Variants in VPS37C observed in about 807,000 individuals in gnomAD.
VPS37C encodes the protein vacuolar protein sorting-associated protein 37C.
In VPS37C, 9 loss-of-function variants were observed where a neutral mutation model predicts 16.1. The ratio of observed to expected loss-of-function variants is 0.56; its 90% CI spans 0.34 to 0.97. VPS37C has a LOEUF of 0.97. VPS37C is among the 50% of genes least tolerant of loss of function. The pLI is 0.02. For missense variants in VPS37C, 479 were observed against 472.7 expected (o/e 1.01, Z -0.12); for synonymous variants, 207 against 206.4 (o/e 1.00, Z -0.02).
At chr11:61,150,597 A>G (rs1853283400) in intron 1 of VPS37C, among the ~76,000 whole-genome samples, 1 of 147,510 alleles carries the variant, frequency 6.8e-6, no homozygotes, top group Admixed American at 6.8e-5. Flanking sequence ...TCCAAACCCT[A>G]CTGCACAGAA....
intron 2 of VPS37C, among the ~76,000 whole-genome samples, chr11:61,136,969 ATTGCAC>A (rs1161957137): frequency 3.3e-5 from 5 of 152,178 alleles, no homozygotes; most frequent in Admixed American, 3.3e-4. Context: ...TGATGGCGCC[ATTGCAC>A]TCCAGCCTGG....
intron 1 of VPS37C, among the ~76,000 whole-genome samples, chr11:61,155,876 A>G (rs1853368599): frequency 6.6e-6 from 1 of 152,252 alleles, no homozygotes; most frequent in South Asian, 2.1e-4. Flanking sequence ...TGACTATTTA[A>G]AGCAAAAATA....
At position 61,131,530 on chromosome 11, in the gene VPS37C, G is replaced by A. The variant is rs908810036; in HGVS notation, c.*290C>T. 22 of 358,278 alleles carry A rather than the reference G, an allele frequency of 6.1e-5. No individual in the cohort carries two copies. Among genetic ancestry groups the A allele is most frequent in the Non-Finnish European group, 9.4e-5 (19 of 201,996 alleles). 22.2% of individuals were successfully genotyped at this position (358,278 alleles called of 1,614,324 possible). ...TAGATGCTCATAAATGCGCACATGC[G>A]CTCACTCACACAGACACCGGCGAGA... On this transcript the variant is annotated 3_prime_UTR_variant, in exon 5 of 5. Transcript: ENST00000301765.
chr11:61,133,978 G>A (rs377243146), intron 3 of VPS37C, 58 bp downstream of exon 3: 49 of 1,557,502 alleles, frequency 3.1e-5, no homozygotes, highest in East Asian at 3.0e-4. Context: ...CTGGGAACAC[G>A]GTGGGCCTCC....
intron 2 of VPS37C, among the ~76,000 whole-genome samples, chr11:61,134,678 CA>C (rs1402487601): frequency 6.6e-6 from 1 of 152,188 alleles, no homozygotes; most frequent in Non-Finnish European, 1.5e-5. Flanking sequence ...AATGAGGCCC[CA>C]AATAAAGTTA....
Position 61,131,999 on chromosome 11 carries a change from G to A in VPS37C, c.889C>T (p.Pro297Ser), listed in dbSNP as rs774810003. 3 of 1,368,956 alleles carry A rather than the reference G, an allele frequency of 2.2e-6. No individual in the cohort carries two copies. The highest frequency in any genetic ancestry group is 2.8e-6 in the Non-Finnish European group (3 of 1,056,766). The allele number at this position is 1,368,956 out of a possible 1,614,324, so 84.8% of individuals were successfully genotyped here. A position where few individuals can be genotyped will look rare whatever the true frequency, so the allele number is the denominator to read the frequency against. The change falls in exon 5 of 5, where the codon CCT becomes TCT. Residue 297 changes from proline to serine, a missense_variant. Pro to Ser is a moderately conservative substitution (Grantham distance 74). Coordinates refer to ENST00000301765, the MANE Select transcript of VPS37C (RefSeq NM_017966.5). Reference sequence around the variant, plus strand: ...GTTGCGGGGTATGGGGACTGTTGAGGATAACCAGGACTGGGGGCCCTGCCT... The same window carrying A: ...GTTGCGGGGTATGGGGACTGTTGAGAATAACCAGGACTGGGGGCCCTGCCT... ...RGGRAPSPGY[P>S]QQSPYPATGG... is the part of the protein sequence containing the mutation.
intron 1 of VPS37C, chr11:61,145,274 C>G (rs1454348172): frequency 6.6e-6 from 1 of 152,230 alleles, no homozygotes; most frequent in Non-Finnish European, 1.5e-5. Flanking sequence ...CATCTTTGCC[C>G]CACCTGCTCG....
chr11:61,132,127 C>A lies in VPS37C; in HGVS notation c.761G>T (p.Gly254Val). 1.4e-6 allele frequency: 2 copies of A among 1,440,172 alleles called. No homozygotes were observed. Among genetic ancestry groups the A allele is most frequent in the Non-Finnish European group, 9.2e-7 (1 of 1,092,834 alleles). 89.2% of individuals were successfully genotyped at this position (1,440,172 alleles called of 1,614,324 possible). The change falls in exon 5 of 5, where the codon GGT (glycine) becomes GTT (valine). Residue 254 changes from glycine to valine, a missense_variant. Coordinates refer to ENST00000301765, the MANE Select transcript of VPS37C (RefSeq NM_017966.5). ...TGGGGACCAGGAGTAACCCGCAGCACCCCTGGGTCCAAGCTGGGCTGCCGG... is the reference window on the plus strand; with the variant it reads ...TGGGGACCAGGAGTAACCCGCAGCAACCCTGGGTCCAAGCTGGGCTGCCGG... Reference protein sequence around the residue: ...TYPAAQLGPRGAAGYSWSPQR... With the variant: ...TYPAAQLGPRVAAGYSWSPQR...
intron 1 of VPS37C, among the ~76,000 whole-genome samples, chr11:61,140,850 G>A (rs1261127074): frequency 6.6e-6 from 1 of 152,180 alleles, no homozygotes; most frequent in East Asian, 1.9e-4. Flanking sequence ...GCAAACAGCA[G>A]AGCCAAAATT....
intron 1 of VPS37C, among the ~76,000 whole-genome samples, chr11:61,146,600 C>G (rs1406528923): frequency 6.6e-6 from 1 of 152,068 alleles, no homozygotes; most frequent in Admixed American, 6.6e-5. Flanking sequence ...GGGAGGGCTG[C>G]GGGGCAGGCG....
chr11:61,137,550 A>AC, intron 2 of VPS37C, among the ~76,000 whole-genome samples: 2 of 152,192 alleles, frequency 1.3e-5, no homozygotes. Context: ...ACAGTGCTTA[A>AC]TATGTGACAA....
chr11:61,145,750 AC>A (rs1476208215), intron 1 of VPS37C, among the ~76,000 whole-genome samples: 3 of 152,202 alleles, frequency 2.0e-5, no homozygotes, highest in African/African-American at 7.2e-5. Flanking sequence ...TCTCAGAGTG[AC>A]CCCAGCCACC....
chr11:61,155,255 C>T (rs575531145), intron 1 of VPS37C, among the ~76,000 whole-genome samples: 3 of 151,962 alleles, frequency 2.0e-5, no homozygotes, highest in Non-Finnish European at 2.9e-5. Context: ...AAGCTGATGC[C>T]GTAGGATCAC....
intron 1 of VPS37C, among the ~76,000 whole-genome samples, chr11:61,141,981 G>T (rs1213992305): frequency 6.6e-6 from 1 of 152,352 alleles, no homozygotes; most frequent in Non-Finnish European, 1.5e-5. Flanking sequence ...GTCTCCACAT[G>T]TGGGGAGGCC....
chr11:61,154,583 G>A (rs655807), intron 1 of VPS37C, among the ~76,000 whole-genome samples: 112,954 of 151,962 alleles, frequency 0.74, 43,496 homozygotes, highest in East Asian at 1. Flanking sequence ...GAGCTATGGA[G>A]CAACCTCTAG....
chr11:61,137,508 G>A (rs1861399083), intron 2 of VPS37C, among the ~76,000 whole-genome samples: 1 of 152,218 alleles, frequency 6.6e-6, no homozygotes. Flanking sequence ...CACTCTAGAA[G>A]CAGGCCTTGG....
chr11:61,134,215 G>A lies in VPS37C; in HGVS notation c.94-8C>T, dbSNP rs1861325462. ...CAGCTGTAGGTCCTGGACCTAAAAGGGCAGGACAACAGAACCTAAGGAAAA... is the reference window on the plus strand; with the variant it reads ...CAGCTGTAGGTCCTGGACCTAAAAGAGCAGGACAACAGAACCTAAGGAAAA... On this transcript the variant is annotated splice_region_variant and splice_polypyrimidine_tract_variant and intron_variant, in intron 2 of 4. Transcript: ENST00000301765. The A allele has an allele frequency of 2.5e-6, 4 of 1,606,972 alleles. No homozygotes were observed. In the East Asian group the frequency reaches 6.7e-5, roughly 27 times the overall value.
In VPS37C at chr11:61,130,469, G is replaced by A; in HGVS notation, c.*1351C>T. On this transcript the variant is annotated 3_prime_UTR_variant, in exon 5 of 5. Transcript: ENST00000301765. ...GCCGGGGAGGGGCAGGCACCAGAAG[G>A]TCAAGGTCCCTCCTTGGCCCCAGCA... 5.2e-6 allele frequency: 1 copy of A among 191,976 alleles called. No individual in the cohort carries two copies. The highest frequency in any genetic ancestry group is 1.1e-5 in the Non-Finnish European group (1 of 93,778). The allele number at this position is 191,976 out of a possible 1,614,324, so 11.9% of individuals were successfully genotyped here. A position where few individuals can be genotyped will look rare whatever the true frequency, so the allele number is the denominator to read the frequency against.
intron 1 of VPS37C, among the ~76,000 whole-genome samples, chr11:61,142,673 T>C (rs1861491257): frequency 6.6e-6 from 1 of 151,868 alleles, no homozygotes; most frequent in Non-Finnish European, 1.5e-5. Context: ...AAGAAAATAA[T>C]GTCTCAGAAT....
Sources: allele counts gnomAD v4.1 joint callset (sites outside exome capture counted in the v4.1 genomes callset), GRCh38; gene constraint gnomAD v4.1.1; transcripts MANE v1.5; gene names NCBI Gene and HGNC (gene_info 2026-07-23, HGNC 2026-07-21).